The following MERTK variants were observed in gnomAD, a reference collection of about 807,000 sequenced individuals.
MERTK encodes tyrosine-protein kinase Mer.
MERTK carries 69 observed loss-of-function variants against 99.3 expected under a neutral mutation model. The observed-to-expected ratio is 0.70, with a 90% confidence interval of 0.57 to 0.85. The LOEUF (loss-of-function observed/expected upper bound fraction) is 0.85, where lower values mean the gene tolerates loss of function less well. Among genes scored for constraint, MERTK ranks in the 40% least tolerant of loss-of-function variants. The pLI is 0.00. For synonymous variants in MERTK, 426 were observed against 467.6 expected, an observed-to-expected ratio of 0.91 and a Z score of 1.15; for missense variants, 1,125 against 1,249.4, an observed-to-expected ratio of 0.90 and a Z score of 1.50.
intron 18 of MERTK, among the ~76,000 whole-genome samples, chr2:112,027,633 T>A (rs956158200): frequency 6.6e-6 from 1 of 152,094 alleles, no homozygotes; most frequent in Non-Finnish European, 1.5e-5. Flanking sequence ...TGAATCTGAA[T>A]CCCTGGCTAC....
chr2:111,918,176 G>A (rs1684387588), intron 1 of MERTK, among the ~76,000 whole-genome samples: 2 of 152,136 alleles, frequency 1.3e-5, no homozygotes, highest in South Asian at 4.1e-4. Flanking sequence ...GTTCTGGGGT[G>A]TACTTAGTGG....
rs576031073 is a variant in MERTK at position 111,970,884 on chromosome 2, G to C, written c.960+2632G>C. 7.9e-4 allele frequency among the ~76,000 whole-genome samples: 113 copies of C among 143,044 alleles called. 2 individuals carry two copies. The highest frequency in any genetic ancestry group is 2.8e-3 in the African/African-American group (109 of 38,422). 93.8% of individuals were successfully genotyped at this position (143,044 alleles called of 152,430 possible). ...TCTCCTCCTTCTTCTCCTTCTTCTTGTTCTTTTCTTGGAAGAATTTGTGAA... is the reference window on the plus strand; with the variant it reads ...TCTCCTCCTTCTTCTCCTTCTTCTTCTTCTTTTCTTGGAAGAATTTGTGAA... On this transcript the variant is annotated intron_variant, in intron 6 of 18. Transcript: ENST00000295408.
At chr2:111,990,048 C>T (rs998417755) in intron 8 of MERTK, among the ~76,000 whole-genome samples, 2 of 152,158 alleles carry the variant, frequency 1.3e-5, no homozygotes, top group Non-Finnish European at 2.9e-5. Flanking sequence ...GATCTGTACC[C>T]TGACAGCACC....
chr2:111,974,667 A>G (rs35096883), intron 6 of MERTK, among the ~76,000 whole-genome samples: 83,646 of 150,534 alleles, frequency 0.56, 23,546 homozygotes, highest in Middle Eastern at 0.61. Context: ...TACTCAGGAG[A>G]CTGAGGCAGG....
In MERTK at chr2:111,965,230, A is replaced by G. The variant is rs770088838; in HGVS notation, c.797A>G (p.Asn266Ser). The G allele has an allele frequency of 3.3e-5, 53 of 1,614,228 alleles. No individual in the cohort carries two copies. The highest frequency in any genetic ancestry group is 2.9e-4 in the South Asian group (26 of 91,086). ...GCGGTCTTCAGTTGTGAGGCCCACA[A>G]TGACAAAGGGCTGACCGTGTCCAAG... is the stretch of plus-strand genomic sequence containing the variant. ...EMAVFSCEAH[N>S]DKGLTVSKGV... Residue 266 changes from asparagine (N) to serine (S), a missense_variant, in exon 5 of 19, where the codon AAT (asparagine) becomes AGT (serine). Transcript: ENST00000295408.
chr2:111,970,112 T>C (rs1340805238), intron 6 of MERTK, among the ~76,000 whole-genome samples: 2 of 152,166 alleles, frequency 1.3e-5, no homozygotes, highest in African/African-American at 4.8e-5. Context: ...ATGGTCTTTT[T>C]TGTGATTGAT....
At chr2:111,933,038 T>C (rs1345307147) in intron 2 of MERTK, among the ~76,000 whole-genome samples, 1 of 152,210 alleles carries the variant, frequency 6.6e-6, no homozygotes, top group African/African-American at 2.4e-5. Context: ...AGGTGAACTT[T>C]AGAATGACAG....
At chr2:111,939,654 ATTTTT>A (rs1184269274) in intron 2 of MERTK, among the ~76,000 whole-genome samples, 2 of 88,262 alleles carry the variant, frequency 2.3e-5, no homozygotes, top group Admixed American at 2.3e-4. Flanking sequence ...CTAATTTTTA[ATTTTT>A]TTTTTTTTTT....
intron 15 of MERTK, among the ~76,000 whole-genome samples, chr2:112,018,909 G>A (rs1215367835): frequency 1.3e-5 from 2 of 152,130 alleles, no homozygotes; most frequent in Non-Finnish European, 2.9e-5. Flanking sequence ...TAGAAGAAAC[G>A]AGTATCTTTC....
chr2:111,915,263 T>C (rs1252537233), intron 1 of MERTK, among the ~76,000 whole-genome samples: 2 of 152,228 alleles, frequency 1.3e-5, no homozygotes, highest in African/African-American at 2.4e-5. Flanking sequence ...ACAATTTGTC[T>C]TCTCATTTTT....
chr2:111,962,192 T>C (rs1489359343), intron 4 of MERTK, among the ~76,000 whole-genome samples: 1 of 152,210 alleles, frequency 6.6e-6, no homozygotes, highest in African/African-American at 2.4e-5. Context: ...TAGTAAATAC[T>C]TGTATAGTTG....
intron 16 of MERTK, 104 bp downstream of exon 16, chr2:112,019,626 C>T: frequency 1.1e-6 from 1 of 882,112 alleles, no homozygotes; most frequent in Non-Finnish European, 1.9e-6. Flanking sequence ...AAGGAAGCTG[C>T]AGTCAGCGGG....
At chr2:111,915,429 C>T (rs1291000154) in intron 1 of MERTK, among the ~76,000 whole-genome samples, 1 of 150,120 alleles carries the variant, frequency 6.7e-6, no homozygotes, top group Non-Finnish European at 1.5e-5. Flanking sequence ...TTTGCTCTTT[C>T]CCTGTGTTCT....
chr2:112,005,110 C>T (rs1344510455), intron 13 of MERTK, among the ~76,000 whole-genome samples: 1 of 152,018 alleles, frequency 6.6e-6, no homozygotes, highest in African/African-American at 2.4e-5. Flanking sequence ...CTGTGTCACA[C>T]AGGCTGGCGT....
chr2:111,935,406 AGAG>A, intron 2 of MERTK, among the ~76,000 whole-genome samples: 1 of 152,302 alleles, frequency 6.6e-6, no homozygotes, highest in South Asian at 2.1e-4. Flanking sequence ...GTATTAATTT[AGAG>A]GAGGAGGAAC....
At chr2:111,948,853 T>C (rs1337755723) in intron 4 of MERTK, among the ~76,000 whole-genome samples, 1 of 152,032 alleles carries the variant, frequency 6.6e-6, no homozygotes, top group Admixed American at 6.6e-5. Context: ...CTGAAAACCC[T>C]GCAGTATCTC....
chr2:112,014,070 G>A (rs988524321), intron 15 of MERTK, among the ~76,000 whole-genome samples: 2 of 149,080 alleles, frequency 1.3e-5, no homozygotes, highest in African/African-American at 2.5e-5. Context: ...CGCCCAGGCT[G>A]GAGTGCAGTG....
At chr2:111,905,357 G>A (rs1440568721) in intron 1 of MERTK, among the ~76,000 whole-genome samples, 2 of 151,794 alleles carry the variant, frequency 1.3e-5, no homozygotes, top group African/African-American at 4.8e-5. Flanking sequence ...CACCTCCTCA[G>A]GTCCTGGTGT....
chr2:111,904,602 C>T (rs1291039287), intron 1 of MERTK, among the ~76,000 whole-genome samples: 2 of 152,158 alleles, frequency 1.3e-5, no homozygotes, highest in Non-Finnish European at 2.9e-5. Context: ...TCTTGAACTC[C>T]TGACCTCGCG....
Sources: gnomAD v4.1 joint callset for allele counts (sites outside exome capture counted in the v4.1 genomes callset) on GRCh38, gnomAD v4.1.1 for gene constraint, MANE v1.5 for transcripts, NCBI Gene and HGNC (gene_info 2026-07-23, HGNC 2026-07-21) for gene names.